Variants in BMP5 observed in about 807,000 individuals in gnomAD.
BMP5 encodes bone morphogenetic protein 5.
Under a neutral mutation model 46.6 loss-of-function variants are expected in BMP5, and 23 were observed. The observed-to-expected ratio is 0.49, with a 90% CI of 0.35 to 0.70. The LOEUF is 0.70. BMP5 is among the 30% of genes least tolerant of loss of function. The probability of loss-of-function intolerance (pLI) is 0.00; values close to 1 mark genes in which losing one functional copy is unlikely to be tolerated. For synonymous variants in BMP5, 204 were observed against 191.9 expected (o/e 1.06, Z -0.52); for missense variants, 545 against 565.6 (o/e 0.96, Z 0.37).
At chr6:55,770,247 A>C (rs1443706307) in intron 4 of BMP5, among the ~76,000 whole-genome samples, 1 of 151,946 alleles carries the variant, frequency 6.6e-6, no homozygotes, top group Non-Finnish European at 1.5e-5. Flanking sequence ...TTCATCAGTG[A>C]TCTTAGATAG....
chr6:55,776,720 A>G (rs1775182319), intron 3 of BMP5, among the ~76,000 whole-genome samples: 1 of 152,002 alleles, frequency 6.6e-6, no homozygotes, highest in Non-Finnish European at 1.5e-5. Flanking sequence ...ATGGAATACA[A>G]TAAAATCAAT....
At chr6:55,813,138 TG>T (rs1257908662) in intron 2 of BMP5, among the ~76,000 whole-genome samples, 1 of 152,190 alleles carries the variant, frequency 6.6e-6, no homozygotes, top group South Asian at 2.1e-4. Context: ...TAGTGTTTTT[TG>T]TTTTGTTTTG....
chr6:55,862,300 C>T (rs148900924), intron 1 of BMP5, among the ~76,000 whole-genome samples: 2 of 152,252 alleles, frequency 1.3e-5, no homozygotes, highest in East Asian at 1.9e-4. Flanking sequence ...TTTTTCTCGA[C>T]AATCAACTTA....
At chr6:55,865,145 C>A (rs1042554014) in intron 1 of BMP5, among the ~76,000 whole-genome samples, 4 of 152,092 alleles carry the variant, frequency 2.6e-5, no homozygotes, top group Non-Finnish European at 5.9e-5. Context: ...CCTAAATTTT[C>A]ATCATGAATC....
At chr6:55,858,643 T>G (rs1777456707) in intron 1 of BMP5, among the ~76,000 whole-genome samples, 1 of 152,276 alleles carries the variant, frequency 6.6e-6, no homozygotes, top group Non-Finnish European at 1.5e-5. Context: ...TGAAACAAAT[T>G]TACTGAAAAG....
chr6:55,760,377 A>T (rs1293699739), intron 5 of BMP5, 80 bp downstream of exon 5: 1 of 1,327,408 alleles, frequency 7.5e-7, no homozygotes, highest in Admixed American at 1.7e-5. Flanking sequence ...ATATTGGAAA[A>T]TTACTGCCAA....
At chr6:55,759,144 CAAAAAAAAAAAAAAAAAAAAA>C (rs754365141) in intron 5 of BMP5, 29 bp from the exon 6 acceptor site, 19 of 85,092 alleles carry the variant, frequency 2.2e-4, no homozygotes, top group Admixed American at 4.1e-4. Flanking sequence ...CACACACACA[CAAAAAAAAAAAAAAAAAAAAA>C]AAAAAAAAAA....
At chr6:55,858,208 T>C (rs1185658788) in intron 1 of BMP5, among the ~76,000 whole-genome samples, 1 of 152,246 alleles carries the variant, frequency 6.6e-6, no homozygotes, top group Non-Finnish European at 1.5e-5. Context: ...AAACTCTAAC[T>C]CCTTGAATAT....
At chr6:55,762,982 C>T (rs1239850816) in intron 4 of BMP5, among the ~76,000 whole-genome samples, 1 of 151,970 alleles carries the variant, frequency 6.6e-6, no homozygotes, top group Non-Finnish European at 1.5e-5. Context: ...TCATATGATT[C>T]CCACATGCTG....
intron 1 of BMP5, 77 bp downstream of exon 1, chr6:55,874,299 A>AGGT (rs1343399689): frequency 6.3e-7 from 1 of 1,588,596 alleles, no homozygotes; most frequent in African/African-American, 1.3e-5. Flanking sequence ...ATGACCACCT[A>AGGT]CCAAGCAGCT....
intron 2 of BMP5, among the ~76,000 whole-genome samples, chr6:55,807,030 C>T (rs779733175): frequency 6.6e-6 from 1 of 152,134 alleles, no homozygotes; most frequent in Non-Finnish European, 1.5e-5. Flanking sequence ...GACAATTTGA[C>T]CTCCTCTCTT....
intron 2 of BMP5, among the ~76,000 whole-genome samples, chr6:55,803,022 C>T (rs1042740675): frequency 1.3e-5 from 2 of 151,906 alleles, no homozygotes; most frequent in Non-Finnish European, 2.9e-5. Flanking sequence ...TGCGGTGGCT[C>T]ATGCCTGTAA....
At chr6:55,817,886 C>A (rs1331069261) in intron 2 of BMP5, among the ~76,000 whole-genome samples, 4 of 152,096 alleles carry the variant, frequency 2.6e-5, no homozygotes, top group South Asian at 4.1e-4. Context: ...ACCAGAAAAA[C>A]AATGTACATA....
intron 6 of BMP5, among the ~76,000 whole-genome samples, chr6:55,757,819 C>T (rs969933405): frequency 2.6e-5 from 4 of 151,848 alleles, no homozygotes; most frequent in African/African-American, 4.8e-5. Flanking sequence ...TCTTTGATAA[C>T]GTTCATGCTC....
chr6:55,869,614 CTTTT>C (rs1012765145), intron 1 of BMP5, among the ~76,000 whole-genome samples: 5 of 151,906 alleles, frequency 3.3e-5, no homozygotes, highest in African/African-American at 1.2e-4. Context: ...CTTTTTCTTT[CTTTT>C]ACTTTTCTTG....
At chr6:55,760,622 G>A (rs1325836962) in intron 4 of BMP5, 89 bp from the exon 5 acceptor site, 3 of 1,167,012 alleles carry the variant, frequency 2.6e-6, no homozygotes, top group African/African-American at 1.5e-5. Context: ...ATTTTTTAAA[G>A]GGGTTTTATT....
intron 1 of BMP5, among the ~76,000 whole-genome samples, chr6:55,826,395 C>T: frequency 6.6e-6 from 1 of 151,786 alleles, no homozygotes; most frequent in Admixed American, 6.6e-5. Context: ...TAATATTCTA[C>T]TATAACTAAA....
intron 1 of BMP5, among the ~76,000 whole-genome samples, chr6:55,830,959 G>A (rs1776649591): frequency 6.6e-6 from 1 of 152,032 alleles, no homozygotes; most frequent in East Asian, 1.9e-4. Context: ...TACATGAGAA[G>A]TTTAGACTTT....
intron 3 of BMP5, among the ~76,000 whole-genome samples, chr6:55,779,723 T>C (rs1335789532): frequency 6.6e-6 from 1 of 152,070 alleles, no homozygotes; most frequent in Non-Finnish European, 1.5e-5. Context: ...AACTTTGTTA[T>C]ACTTTGATGA....
Sources: allele counts gnomAD v4.1 joint callset (sites outside exome capture counted in the v4.1 genomes callset), GRCh38; gene constraint gnomAD v4.1.1; transcripts MANE v1.5; gene names NCBI Gene and HGNC (gene_info 2026-07-23, HGNC 2026-07-21).